Variants in AGO4 observed in about 807,000 individuals in gnomAD.
The protein encoded by AGO4 is protein argonaute-4.
AGO4 carries 33 observed loss-of-function variants against 104.7 expected under a neutral mutation model. The ratio of observed to expected loss-of-function variants is 0.32; its 90% CI spans 0.24 to 0.42. AGO4 has a LOEUF of 0.42. Among genes scored for constraint, AGO4 ranks in the 10% least tolerant of loss-of-function variants. The pLI is 1.00. For missense variants in AGO4, 711 were observed against 1,083.4 expected (o/e 0.66, Z 4.83); for synonymous variants, 331 against 364.7 (o/e 0.91, Z 1.05).
At chr1:35,830,766 G>A (rs970948162) in intron 7 of AGO4, among the ~76,000 whole-genome samples, 2 of 151,190 alleles carry the variant, frequency 1.3e-5, no homozygotes, top group African/African-American at 2.4e-5. Flanking sequence ...ACCTGAAGTC[G>A]GGAGTTCTAG....
At position 35,808,073 on chromosome 1, in the gene AGO4, G is replaced by C. The variant is rs1643351578; in HGVS notation, c.-344G>C. The C allele has an allele frequency of 6.7e-6, 1 of 149,254 alleles. No homozygotes were observed. Among genetic ancestry groups the C allele is most frequent in the Non-Finnish European group, 1.5e-5 (1 of 66,764 alleles). 9.2% of individuals were successfully genotyped at this position (149,254 alleles called of 1,614,324 possible). A position where few individuals can be genotyped will look rare whatever the true frequency, so the allele number is the denominator to read the frequency against. ...CTGTGGACCCCGCGCCCGGGGCCGCGCACGCCCCCTCCGCCCGCCGGGACC... is the reference window on the plus strand; with the variant it reads ...CTGTGGACCCCGCGCCCGGGGCCGCCCACGCCCCCTCCGCCCGCCGGGACC... On this transcript the variant is annotated 5_prime_UTR_variant, in exon 1 of 18. Coordinates refer to ENST00000373210, the MANE Select transcript of AGO4 (RefSeq NM_017629.4). This position sits in a 1 kb window ranked among gnomAD's most constrained non-coding sequence, Gnocchi z 5.2.
Position 35,835,997 on chromosome 1 carries a change from A to G in AGO4, c.1724+4A>G, listed in dbSNP as rs1467459960. On this transcript the variant is annotated splice_donor_region_variant and intron_variant, in intron 13 of 17. Coordinates refer to ENST00000373210, the MANE Select transcript of AGO4 (RefSeq NM_017629.4). Reference sequence around the variant, plus strand: ...ATGTGCTTGTGCCTCATCAAAGGTAAGATTCTGAATGCTTTCCCCACTTTT... The same window carrying G: ...ATGTGCTTGTGCCTCATCAAAGGTAGGATTCTGAATGCTTTCCCCACTTTT... 5.0e-6 allele frequency: 8 copies of G among 1,609,712 alleles called. No homozygotes were observed. The South Asian group carries it at 8.9e-5, about 18-fold the overall frequency.
At position 35,856,365 on chromosome 1, in the gene AGO4, G is replaced by A. The variant is rs1455953462; in HGVS notation, c.*2760G>A. 2 of 152,210 alleles carry A rather than the reference G, an allele frequency of 1.3e-5. No individual in the cohort carries two copies. Among genetic ancestry groups the A allele is most frequent in the Middle Eastern group, 3.1e-3 (1 of 318 alleles). 9.4% of individuals were successfully genotyped at this position (152,210 alleles called of 1,614,324 possible). ...ATAGGTAACCCCCTCGGGACTGACT[G>A]AATCGTTATGCATGTGTCAATCAAT... On this transcript the variant is annotated 3_prime_UTR_variant, in exon 18 of 18. Coordinates refer to ENST00000373210, the MANE Select transcript of AGO4 (RefSeq NM_017629.4).
chr1:35,837,549 T>G (rs1433246987), intron 13 of AGO4, among the ~76,000 whole-genome samples: 1 of 151,864 alleles, frequency 6.6e-6, no homozygotes, highest in Non-Finnish European at 1.5e-5. Context: ...TCGGCTAATG[T>G]TTTTATTTTT....
chr1:35,838,138 C>T (rs138374046), intron 13 of AGO4, among the ~76,000 whole-genome samples: 2,145 of 152,038 alleles, frequency 0.014, 43 homozygotes, highest in African/African-American at 0.047. Flanking sequence ...CTGCAACCTC[C>T]GCCTCCTGAG....
chr1:35,814,865 G>A (rs1231115046), intron 1 of AGO4, among the ~76,000 whole-genome samples: 7 of 151,970 alleles, frequency 4.6e-5, no homozygotes, highest in Admixed American at 3.9e-4. Flanking sequence ...AAGTGATGTT[G>A]GAACAGAACA....
intron 13 of AGO4, among the ~76,000 whole-genome samples, chr1:35,838,616 G>C (rs1257430943): frequency 1.3e-5 from 2 of 152,094 alleles, no homozygotes; most frequent in African/African-American, 4.8e-5. Context: ...ATTTGAGTTT[G>C]TCAGATTGAC....
chr1:35,818,786 A>C (rs1051594065), intron 2 of AGO4, among the ~76,000 whole-genome samples: 2 of 152,168 alleles, frequency 1.3e-5, no homozygotes, highest in Non-Finnish European at 2.9e-5. Context: ...GAGAAATTTC[A>C]GAAGGCCTCT....
chr1:35,810,185 A>G (rs1230562980), intron 1 of AGO4, among the ~76,000 whole-genome samples: 1 of 152,202 alleles, frequency 6.6e-6, no homozygotes, highest in Non-Finnish European at 1.5e-5. Flanking sequence ...TGTTGAGTGG[A>G]ATATTTTCCT....
At chr1:35,849,383 T>G (rs1304144578) in intron 15 of AGO4, among the ~76,000 whole-genome samples, 3 of 151,916 alleles carry the variant, frequency 2.0e-5, no homozygotes, top group African/African-American at 7.3e-5. Context: ...TTTTTATTAT[T>G]AATAAAGTAT....
intron 11 of AGO4, among the ~76,000 whole-genome samples, chr1:35,832,872 C>T (rs1170872779): frequency 6.6e-6 from 1 of 152,090 alleles, no homozygotes. Context: ...ATCTTTTCAG[C>T]CAAGATCAAA....
intron 2 of AGO4, among the ~76,000 whole-genome samples, chr1:35,819,453 G>A (rs567297781): frequency 9.2e-5 from 14 of 151,948 alleles, no homozygotes; most frequent in South Asian, 2.1e-4. Context: ...AAAAGGCCGC[G>A]CGCGGTGGCT....
Position 35,835,823 on chromosome 1 carries a change from T to A in AGO4, c.1565-11T>A. ...TTTAAACATGTTAAAATTAATAAAT[T>A]ATTTTTGTAGCGGAGGTGAAACGTG... On this transcript the variant is annotated splice_polypyrimidine_tract_variant and intron_variant, in intron 12 of 17. Transcript: ENST00000373210. 1 of 1,578,236 alleles carries A rather than the reference T, an allele frequency of 6.3e-7. No homozygotes were observed. Among genetic ancestry groups the A allele is most frequent in the Non-Finnish European group, 8.6e-7 (1 of 1,168,160 alleles).
In AGO4 at chr1:35,841,513, C is replaced by G; in HGVS notation, c.2040+33C>G. Reference sequence around the variant, plus strand: ...CATTATCCCTGTTGCCCTTCGGGGCCCCTAGGAGTCTGAGGGAGATTCCTC... The same window carrying G: ...CATTATCCCTGTTGCCCTTCGGGGCGCCTAGGAGTCTGAGGGAGATTCCTC... On this transcript the variant is annotated intron_variant, in intron 14 of 17. Transcript: ENST00000373210. The surrounding 1 kb of genome is among the most constrained non-coding windows in gnomAD (Gnocchi z 4.7). 3 of 1,608,524 alleles carry G rather than the reference C, an allele frequency of 1.9e-6. No homozygotes were observed. The highest frequency in any genetic ancestry group is 1.3e-5 in the African/African-American group (1 of 74,806).
chr1:35,823,122 A>G (rs1643923429), intron 3 of AGO4, 140 bp downstream of exon 3: 1 of 971,550 alleles, frequency 1.0e-6, no homozygotes, highest in African/African-American at 1.6e-5. Flanking sequence ...TTTCATTATT[A>G]CACATTGCAT....
rs368873990 is a variant in AGO4 at position 35,823,287 on chromosome 1, CTG to C, written c.306+307_306+308del. 6.9e-3 allele frequency among the ~76,000 whole-genome samples: 1,019 copies of C among 147,946 alleles called. 15 individuals are homozygous for C. Among genetic ancestry groups the C allele is most frequent in the African/African-American group, 0.022 (902 of 40,118 alleles). ...TTTTTTTTTGAGATGGGATCTCGCT[CTG>C]TCACCCAGGCTGGAATGCAGTGGTT... On this transcript the variant is annotated intron_variant, in intron 3 of 17. Transcript: ENST00000373210.
chr1:35,852,996 A>G (rs1313147420), intron 17 of AGO4, among the ~76,000 whole-genome samples: 1 of 152,200 alleles, frequency 6.6e-6, no homozygotes, highest in Non-Finnish European at 1.5e-5. Flanking sequence ...CACGCCTGTA[A>G]TCCCAGCACT....
At chr1:35,835,403 A>C (rs923633446) in intron 12 of AGO4, among the ~76,000 whole-genome samples, 1 of 152,156 alleles carries the variant, frequency 6.6e-6, no homozygotes, top group Admixed American at 6.6e-5. Context: ...CTCTACAGTT[A>C]TCTCTAGTAC....
rs368456437 is a variant in AGO4 at position 35,825,880 on chromosome 1, G to A, written c.626-46G>A. 15 of 1,605,532 alleles carry A rather than the reference G, an allele frequency of 9.3e-6. No homozygotes were observed. In the African/African-American group the frequency reaches 1.7e-4, roughly 19 times the overall value. ...GGTTTTTGTTTGTTTGTTTGTTTTG[G>A]CCCTTCCCTTTTCCCTGAAGTGAAG... On this transcript the variant is annotated intron_variant, in intron 5 of 17. Transcript: ENST00000373210.
Sources: allele counts gnomAD v4.1 joint callset (sites outside exome capture counted in the v4.1 genomes callset), GRCh38; gene constraint gnomAD v4.1.1; non-coding constraint Gnocchi (gnomAD v3.1); transcripts MANE v1.5; gene names NCBI Gene and HGNC (gene_info 2026-07-23, HGNC 2026-07-21).